The following ZNF805 variants were observed in gnomAD, a reference collection of about 807,000 sequenced individuals.
The protein encoded by ZNF805 is zinc finger protein 805, also known as CTC-444N24.8.
A neutral mutation model predicts 13.6 loss-of-function variants in ZNF805; 7 were observed. The ratio of observed to expected loss-of-function variants is 0.51; its 90% confidence interval spans 0.29 to 0.97. ZNF805 has a LOEUF of 0.97. Among genes scored for constraint, ZNF805 ranks in the 50% least tolerant of loss-of-function variants. ZNF805 has a pLI of 0.08. For missense variants in ZNF805, 604 were observed against 771.0 expected, an observed-to-expected ratio of 0.78 and a Z score of 2.57; for synonymous variants, 293 against 279.8, an observed-to-expected ratio of 1.05 and a Z score of -0.47.
chr19:57,253,295 A>G lies in ZNF805; in HGVS notation c.476A>G (p.Asp159Gly). Residue 159 changes from aspartate to glycine, a missense_variant, in exon 4 of 4, where the codon GAT becomes GGT. Physicochemically the swap from Asp to Gly is moderately conservative, Grantham distance 94. Transcript: ENST00000414468. This position sits in a 1 kb window ranked among gnomAD's most constrained non-coding sequence, Gnocchi z 4.4. ...CCTGGAAAAATGAGCCCCAAACATG[A>G]TGGTTTAGGGACAGCTGATAGTGTG... ...KLPGKMSPKH[D>G]GLGTADSVCS... 1 of 1,571,262 alleles carries G rather than the reference A, an allele frequency of 6.4e-7. No individual in the cohort carries two copies. Among genetic ancestry groups the G allele is most frequent in the Non-Finnish European group, 8.6e-7 (1 of 1,157,408 alleles).
intron 3 of ZNF805, among the ~76,000 whole-genome samples, chr19:57,249,316 T>C (rs1207901496): frequency 6.6e-6 from 1 of 152,210 alleles, no homozygotes; most frequent in Admixed American, 6.5e-5. Flanking sequence ...CTGAGCTGCC[T>C]GTCCAAGGAG....
rs2087716072 is a variant in ZNF805 at position 57,260,238 on chromosome 19, T to G, written c.*5535T>G. Among the ~76,000 whole-genome samples the G allele has an allele frequency of 1.3e-5, 2 of 152,228 alleles. No homozygotes were observed. The highest frequency in any genetic ancestry group is 2.9e-5 in the Non-Finnish European group (2 of 68,030). ...CTCTTGTTTAGTCTTTAACTTCTCC[T>G]TATTAACCAGCTTCTTTCCCATAAT... On this transcript the variant is annotated 3_prime_UTR_variant, in exon 4 of 4. Coordinates refer to ENST00000414468, the MANE Select transcript of ZNF805 (RefSeq NM_001023563.4).
At chr19:57,243,836 T>A in intron 1 of ZNF805, 87 bp from the exon 2 acceptor site, 1 of 1,588,668 alleles carries the variant, frequency 6.3e-7, no homozygotes, top group East Asian at 2.2e-5. Flanking sequence ...CCTCAGTGAC[T>A]TGGGCCTTGA....
rs575987449 is a variant in ZNF805, at chr19:57,254,923, A to G, written c.*220A>G. ...AGAAAGAGGTGACATAGAAAAGAAA[A>G]TGAAATGCAGACACTGCTTTTATAC... On this transcript the variant is annotated 3_prime_UTR_variant, in exon 4 of 4. Transcript: ENST00000414468. 8 of 548,410 alleles carry G rather than the reference A, an allele frequency of 1.5e-5. No homozygotes were observed. The highest frequency in any genetic ancestry group is 1.4e-4 in the Admixed American group (4 of 27,784). The allele number at this position is 548,410 out of a possible 1,614,324, so 34.0% of individuals were successfully genotyped here.
chr19:57,253,362 T>C lies in ZNF805; in HGVS notation c.543T>C (p.Asp181=), dbSNP rs751217737. ...AGGATCGAGTCTCCTTAGGAGATGA[T>C]GTCCATGACTGTGACTCACATGGAT... ...IIQDRVSLGD[D]VHDCDSHGSG... Residue 181 remains aspartate (D), a synonymous_variant, in exon 4 of 4, where the codon GAT becomes GAC. Coordinates refer to ENST00000414468, the MANE Select transcript of ZNF805 (RefSeq NM_001023563.4). This position sits in a 1 kb window ranked among gnomAD's most constrained non-coding sequence, Gnocchi z 4.4. The C allele has an allele frequency of 9.0e-6, 14 of 1,563,522 alleles. No homozygotes were observed. Among genetic ancestry groups the C allele is most frequent in the Non-Finnish European group, 1.2e-5 (14 of 1,153,420 alleles).
At position 57,262,028 on chromosome 19, in the gene ZNF805, A is replaced by C. The variant is rs1399696559; in HGVS notation, c.*7325A>C. 6.0e-6 allele frequency: 1 copy of C among 165,756 alleles called. No individual in the cohort carries two copies. The highest frequency in any genetic ancestry group is 1.5e-5 in the Non-Finnish European group (1 of 68,120). The allele number at this position is 165,756 out of a possible 1,614,324, so 10.3% of individuals were successfully genotyped here. A position where few individuals can be genotyped will look rare whatever the true frequency, so the allele number is the denominator to read the frequency against. Reference sequence around the variant, plus strand: ...ATATTGGACTTGCTTTCTAGCACATACCACAATTGTAGACCTCCAGAAGAA... The same window carrying C: ...ATATTGGACTTGCTTTCTAGCACATCCCACAATTGTAGACCTCCAGAAGAA... On this transcript the variant is annotated 3_prime_UTR_variant, in exon 4 of 4. Coordinates refer to ENST00000414468, the MANE Select transcript of ZNF805 (RefSeq NM_001023563.4).
In ZNF805 at chr19:57,255,956, G is replaced by A. The variant is rs1365202464; in HGVS notation, c.*1253G>A. On this transcript the variant is annotated 3_prime_UTR_variant, in exon 4 of 4. Coordinates refer to ENST00000414468, the MANE Select transcript of ZNF805 (RefSeq NM_001023563.4). ...GTTTCTCATTATTATGATGTTGAAA[G>A]TTGCTTCCAAAGAGTTTCTCTATCG... 1.3e-5 allele frequency among the ~76,000 whole-genome samples: 2 copies of A among 152,068 alleles called. No homozygotes were observed. The highest frequency in any genetic ancestry group is 4.8e-5 in the African/African-American group (2 of 41,436).
chr19:57,248,557 T>G, intron 2 of ZNF805, 48 bp from the exon 3 acceptor site: 2 of 1,476,450 alleles, frequency 1.4e-6, no homozygotes, highest in Non-Finnish European at 9.3e-7. Context: ...AAGGTCTTTA[T>G]TTCTTTTCAC....
rs1448109539 is a variant in ZNF805, at chr19:57,260,826, A to C, written c.*6123A>C. On this transcript the variant is annotated 3_prime_UTR_variant, in exon 4 of 4. Coordinates refer to ENST00000414468, the MANE Select transcript of ZNF805 (RefSeq NM_001023563.4). The stretch of plus-strand genomic sequence containing the variant: ...CTCACTGAGCCTATATGCATGTATC[A>C]TGTGGCCATGACCTTGGCCGTGGGG... Among the ~76,000 whole-genome samples, 1 of 152,192 alleles carries C rather than the reference A, an allele frequency of 6.6e-6. No individual in the cohort carries two copies. Among genetic ancestry groups the C allele is most frequent in the Non-Finnish European group, 1.5e-5 (1 of 68,044 alleles).
rs970159341 is a variant in ZNF805, at chr19:57,244,305, C to T, written c.157+256C>T. On this transcript the variant is annotated intron_variant, in intron 2 of 3. Coordinates refer to ENST00000414468, the MANE Select transcript of ZNF805 (RefSeq NM_001023563.4). Reference sequence around the variant, plus strand: ...GCAACCTCCGCCTCCCAGGTTCAAGCGATTCTTCTGCCTCAGCCTCCCAAG... The same window carrying T: ...GCAACCTCCGCCTCCCAGGTTCAAGTGATTCTTCTGCCTCAGCCTCCCAAG... 6.8e-6 allele frequency among the ~76,000 whole-genome samples: 1 copy of T among 146,572 alleles called. No homozygotes were observed. Among genetic ancestry groups the T allele is most frequent in the Admixed American group, 7.1e-5 (1 of 14,126 alleles).
Position 57,240,710 on chromosome 19 carries a change from T to TAGG in ZNF805, c.-178_-176dup. On this transcript the variant is annotated 5_prime_UTR_variant, in exon 1 of 4. Coordinates refer to ENST00000414468, the MANE Select transcript of ZNF805 (RefSeq NM_001023563.4). ...TGGCGGCGCTGGGGAAATGAGCAGG[T>TAGG]AGGAGGCCGACAGCGACCTCCGCGT... 1.8e-6 allele frequency: 1 copy of TAGG among 542,254 alleles called. No homozygotes were observed. The highest frequency in any genetic ancestry group is 2.7e-5 in the South Asian group (1 of 37,136). The allele number at this position is 542,254 out of a possible 1,614,324, so 33.6% of individuals were successfully genotyped here. A position where few individuals can be genotyped will look rare whatever the true frequency, so the allele number is the denominator to read the frequency against.
intron 2 of ZNF805, among the ~76,000 whole-genome samples, chr19:57,245,923 A>G (rs1168551926): frequency 6.6e-5 from 10 of 152,160 alleles, no homozygotes; most frequent in Admixed American, 6.5e-4. Flanking sequence ...CTAAATGTCA[A>G]TTGTGCTAAG....
Position 57,257,259 on chromosome 19 carries a change from A to G in ZNF805, c.*2556A>G, listed in dbSNP as rs748498424. Among the ~76,000 whole-genome samples the G allele has an allele frequency of 3.9e-5, 6 of 152,044 alleles. No homozygotes were observed. The highest frequency in any genetic ancestry group is 1.3e-4 in the Admixed American group (2 of 15,272). The stretch of plus-strand genomic sequence containing the variant: ...TGGTGGAGTTTCTGTAAAAGTTTGT[A>G]TGATCCTGTTAGTTGGTGGTGTTAT... On this transcript the variant is annotated 3_prime_UTR_variant, in exon 4 of 4. Transcript: ENST00000414468.
chr19:57,248,185 AT>A (rs1477839759), intron 2 of ZNF805, among the ~76,000 whole-genome samples: 1 of 151,746 alleles, frequency 6.6e-6, no homozygotes, highest in Non-Finnish European at 1.5e-5. Context: ...GAGGAAGAGC[AT>A]TATAAAACAT....
intron 2 of ZNF805, among the ~76,000 whole-genome samples, chr19:57,247,715 C>A (rs548306540): frequency 6.6e-6 from 1 of 152,160 alleles, no homozygotes; most frequent in African/African-American, 2.4e-5. Flanking sequence ...TTCTGGGCAG[C>A]GTTGTGGAGC....
chr19:57,246,633 G>A (rs1278648931), intron 2 of ZNF805, among the ~76,000 whole-genome samples: 7 of 152,060 alleles, frequency 4.6e-5, no homozygotes, highest in Non-Finnish European at 1.5e-5. Flanking sequence ...AAAATTAGCT[G>A]GGTGTGGTAG....
rs1279806875 is a variant in ZNF805, at chr19:57,256,342, T to C, written c.*1639T>C. ...TTTGATGTCTAGATGATAACTAACC[T>C]CCTAACATGAATTGGAAGGAATTCT... On this transcript the variant is annotated 3_prime_UTR_variant, in exon 4 of 4. Transcript: ENST00000414468. Among the ~76,000 whole-genome samples the C allele has an allele frequency of 6.6e-6, 1 of 152,174 alleles. No individual in the cohort carries two copies. Among genetic ancestry groups the C allele is most frequent in the Non-Finnish European group, 1.5e-5 (1 of 67,990 alleles).
intron 3 of ZNF805, among the ~76,000 whole-genome samples, chr19:57,251,994 C>G (rs538461386): frequency 1.3e-5 from 2 of 152,282 alleles, no homozygotes; most frequent in African/African-American, 4.8e-5. Context: ...GTACCTCTGC[C>G]TTATGAGCTC....
At chr19:57,244,101 A>G in intron 2 of ZNF805, 52 bp downstream of exon 2, 1 of 1,573,070 alleles carries the variant, frequency 6.4e-7, no homozygotes, top group Non-Finnish European at 8.6e-7. Context: ...CCTTCGTTCC[A>G]CCCTCTGACT....
Sources: gnomAD v4.1 joint callset for allele counts (sites outside exome capture counted in the v4.1 genomes callset) on GRCh38, gnomAD v4.1.1 for gene constraint, Gnocchi (gnomAD v3.1) non-coding constraint, MANE v1.5 for transcripts, NCBI Gene and HGNC (gene_info 2026-07-23, HGNC 2026-07-21) for gene names.